The following FBLN5 variants were observed in gnomAD, a reference collection of about 807,000 sequenced individuals.
The protein encoded by FBLN5 is fibulin-5.
FBLN5 carries 24 observed loss-of-function variants against 61.6 expected under a neutral mutation model. The ratio of observed to expected loss-of-function variants is 0.39; its 90% CI spans 0.28 to 0.55. The LOEUF (loss-of-function observed/expected upper bound fraction) is 0.55, where lower values mean the gene tolerates loss of function less well. Ranked by LOEUF, FBLN5 falls within the 20% of genes least tolerant of loss-of-function variation. The probability of loss-of-function intolerance (pLI) is 0.65; values close to 1 mark genes in which losing one functional copy is unlikely to be tolerated. For synonymous variants in FBLN5, 213 were observed against 219.8 expected, an observed-to-expected ratio of 0.97 and a Z score of 0.27; for missense variants, 470 against 594.1, an observed-to-expected ratio of 0.79 and a Z score of 2.17.
intron 4 of FBLN5, among the ~76,000 whole-genome samples, chr14:91,907,916 G>A (rs986210371): frequency 2.0e-5 from 3 of 151,914 alleles, no homozygotes; most frequent in Admixed American, 2.0e-4. Flanking sequence ...CTTTAATAAT[G>A]TCTCTGAGTT....
At chr14:91,904,161 T>C (rs781127072) in intron 4 of FBLN5, among the ~76,000 whole-genome samples, 2 of 152,144 alleles carry the variant, frequency 1.3e-5, no homozygotes, top group African/African-American at 4.8e-5. Context: ...AGGGCCTTAT[T>C]CACAATCATA....
At position 91,869,776 on chromosome 14, in the gene FBLN5, C is replaced by T. The variant is rs1888831856; in HGVS notation, c.*448G>A. ...CTTCTCTGTGTACGCAAAAAGCAAACTAGCTACTCCCAGGGTTCCCCGCCA... is the reference window on the plus strand; with the variant it reads ...CTTCTCTGTGTACGCAAAAAGCAAATTAGCTACTCCCAGGGTTCCCCGCCA... On this transcript the variant is annotated 3_prime_UTR_variant, in exon 11 of 11. Coordinates refer to ENST00000342058, the MANE Select transcript of FBLN5 (RefSeq NM_006329.4). 4.3e-6 allele frequency: 1 copy of T among 231,386 alleles called. No individual in the cohort carries two copies. The highest frequency in any genetic ancestry group is 6.5e-5 in the South Asian group (1 of 15,494). The allele number at this position is 231,386 out of a possible 1,614,324, so 14.3% of individuals were successfully genotyped here. A position where few individuals can be genotyped will look rare whatever the true frequency, so the allele number is the denominator to read the frequency against.
intron 4 of FBLN5, among the ~76,000 whole-genome samples, chr14:91,936,085 T>C (rs773389261): frequency 2.0e-4 from 31 of 152,172 alleles, no homozygotes; most frequent in Non-Finnish European, 3.8e-4. Flanking sequence ...AATAGTGGGT[T>C]ACAGCTCAAC....
chr14:91,894,905 C>T lies in FBLN5; in HGVS notation c.502+45G>A, dbSNP rs74071608. The stretch of plus-strand genomic sequence containing the variant: ...CATACCTCAAAATGCCCCTGGCAAC[C>T]GTTAACTTCCAAGAGTCCCTGTGAC... On this transcript the variant is annotated intron_variant, in intron 5 of 10. Transcript: ENST00000342058. The T allele has an allele frequency of 1.3e-3, 1,991 of 1,586,626 alleles. 17 individuals carry two copies. The African/African-American group carries it at 0.024, about 19-fold the overall frequency.
At chr14:91,895,670 C>A (rs944922533) in intron 4 of FBLN5, among the ~76,000 whole-genome samples, 2 of 151,568 alleles carry the variant, frequency 1.3e-5, no homozygotes, top group Admixed American at 6.6e-5. Flanking sequence ...TGGTGGCATG[C>A]GCCTGTAGTC....
At chr14:91,941,766 C>T (rs376419156) in intron 2 of FBLN5, among the ~76,000 whole-genome samples, 1 of 115,068 alleles carries the variant, frequency 8.7e-6, no homozygotes, top group African/African-American at 3.1e-5. Context: ...GCCTCAGTTT[C>T]CCCATCTGTA....
At chr14:91,928,827 G>A (rs1380852841) in intron 4 of FBLN5, among the ~76,000 whole-genome samples, 1 of 152,152 alleles carries the variant, frequency 6.6e-6, no homozygotes, top group Non-Finnish European at 1.5e-5. Flanking sequence ...GGGAGGCACA[G>A]GTGGGCAGAT....
chr14:91,893,157 ACT>A (rs1890067803), intron 5 of FBLN5, among the ~76,000 whole-genome samples: 1 of 152,202 alleles, frequency 6.6e-6, no homozygotes, highest in Non-Finnish European at 1.5e-5. Context: ...GACCCAACTC[ACT>A]TTGTCTAAAA....
chr14:91,884,882 G>C (rs1173317760), intron 7 of FBLN5, among the ~76,000 whole-genome samples: 1 of 152,198 alleles, frequency 6.6e-6, no homozygotes, highest in East Asian at 1.9e-4. Flanking sequence ...TAGGGCTGTG[G>C]CTCCACCCTC....
intron 4 of FBLN5, among the ~76,000 whole-genome samples, chr14:91,932,433 C>T (rs942842178): frequency 2.0e-5 from 3 of 152,142 alleles, no homozygotes; most frequent in African/African-American, 4.8e-5. Flanking sequence ...GTGCTGAGCC[C>T]GGCCCCGCCC....
At chr14:91,926,588 G>A (rs922690603) in intron 4 of FBLN5, among the ~76,000 whole-genome samples, 7 of 152,142 alleles carry the variant, frequency 4.6e-5, no homozygotes, top group Non-Finnish European at 8.8e-5. Context: ...ACATGATCAC[G>A]AATTGAAAGA....
chr14:91,883,481 C>T (rs900525504), intron 7 of FBLN5, among the ~76,000 whole-genome samples: 7 of 151,996 alleles, frequency 4.6e-5, no homozygotes, highest in Non-Finnish European at 7.4e-5. Context: ...CCCAAAAAAA[C>T]ATTCCCTGGC....
intron 2 of FBLN5, chr14:91,942,071 C>A (rs994938546): frequency 2.2e-6 from 1 of 452,010 alleles, no homozygotes; most frequent in East Asian, 7.0e-5. Flanking sequence ...AGAGATAGGG[C>A]TTCTCTCACT....
chr14:91,929,080 AACACACACACAC>A (rs113397883), intron 4 of FBLN5, among the ~76,000 whole-genome samples: 10 of 143,172 alleles, frequency 7.0e-5, no homozygotes, highest in Admixed American at 1.4e-4. Flanking sequence ...CCTGTCTCAA[AACACACACACAC>A]ACACACACAC....
At chr14:91,945,995 C>G (rs921722054) in intron 1 of FBLN5, among the ~76,000 whole-genome samples, 6 of 152,188 alleles carry the variant, frequency 3.9e-5, no homozygotes, top group African/African-American at 1.4e-4. Flanking sequence ...TTATAAAACC[C>G]TGTCTCGTTT....
intron 10 of FBLN5, among the ~76,000 whole-genome samples, chr14:91,871,533 T>C (rs7143288): frequency 0.61 from 92,333 of 151,994 alleles, 28,392 homozygotes; most frequent in East Asian, 0.78. Flanking sequence ...GGCACTCTTC[T>C]AACCATGTTT....
intron 4 of FBLN5, among the ~76,000 whole-genome samples, chr14:91,921,964 AC>A: frequency 1.3e-5 from 2 of 152,154 alleles, no homozygotes; most frequent in East Asian, 3.9e-4. Context: ...TCACAAGCAA[AC>A]TCTGGGATGT....
intron 4 of FBLN5, among the ~76,000 whole-genome samples, chr14:91,907,672 C>G (rs977591093): frequency 4.0e-5 from 6 of 151,046 alleles, no homozygotes; most frequent in African/African-American, 2.4e-5. Flanking sequence ...CAAAAGAGAA[C>G]GAGGAGGATA....
intron 10 of FBLN5, among the ~76,000 whole-genome samples, chr14:91,877,013 C>CT (rs763945183): frequency 1.1e-4 from 16 of 149,074 alleles, no homozygotes; most frequent in Admixed American, 4.7e-4. Context: ...GACCGGCTAA[C>CT]TTTTTTTTTT....
Sources: gnomAD v4.1 joint callset for allele counts (sites outside exome capture counted in the v4.1 genomes callset) on GRCh38, gnomAD v4.1.1 for gene constraint, MANE v1.5 for transcripts, NCBI Gene and HGNC (gene_info 2026-07-23, HGNC 2026-07-21) for gene names.